The following SEZ6L variants were observed in gnomAD, a reference collection of about 807,000 sequenced individuals.
The protein encoded by SEZ6L is seizure related 6 homolog like.
In SEZ6L, 37 loss-of-function variants were observed where a neutral mutation model predicts 106.2. The observed-to-expected ratio is 0.35, with a 90% CI of 0.27 to 0.46. The LOEUF (loss-of-function observed/expected upper bound fraction) is 0.46, where lower values mean the gene tolerates loss of function less well. Among genes scored for constraint, SEZ6L ranks in the 20% least tolerant of loss-of-function variants. The pLI is 1.00. For missense variants in SEZ6L, 1,172 were observed against 1,332.8 expected, an observed-to-expected ratio of 0.88 and a Z score of 1.88; for synonymous variants, 541 against 570.4, an observed-to-expected ratio of 0.95 and a Z score of 0.73.
intron 1 of SEZ6L, among the ~76,000 whole-genome samples, chr22:26,289,235 G>A (rs1390808742): frequency 6.6e-6 from 1 of 152,062 alleles, no homozygotes; most frequent in African/African-American, 2.4e-5. Context: ...TTGGAAGCTG[G>A]GTGTCCTGAC....
intron 6 of SEZ6L, among the ~76,000 whole-genome samples, chr22:26,309,073 A>G (rs2081732235): frequency 6.6e-6 from 1 of 152,236 alleles, no homozygotes; most frequent in Non-Finnish European, 1.5e-5. Flanking sequence ...CATCTTAGTG[A>G]CATTAGAAAT....
At chr22:26,174,348 C>T (rs994291283) in intron 1 of SEZ6L, among the ~76,000 whole-genome samples, 7 of 152,052 alleles carry the variant, frequency 4.6e-5, no homozygotes, top group African/African-American at 9.7e-5. Context: ...ATCACACCCC[C>T]GCGGAATTGG....
intron 1 of SEZ6L, among the ~76,000 whole-genome samples, chr22:26,243,289 C>G (rs1030735274): frequency 6.6e-6 from 1 of 152,164 alleles, no homozygotes; most frequent in Non-Finnish European, 1.5e-5. Context: ...CAAGGATAAA[C>G]AAATATCCAT....
intron 10 of SEZ6L, among the ~76,000 whole-genome samples, chr22:26,345,540 G>A (rs973445119): frequency 2.6e-5 from 4 of 152,094 alleles, no homozygotes; most frequent in African/African-American, 9.7e-5. Flanking sequence ...CAAATCCAGG[G>A]CTTGGCTGAT....
At chr22:26,300,784 G>A (rs1366228290) in intron 5 of SEZ6L, among the ~76,000 whole-genome samples, 2 of 152,180 alleles carry the variant, frequency 1.3e-5, no homozygotes, top group African/African-American at 4.8e-5. Context: ...GTGTAAAAGT[G>A]TTCTTATTTC....
At chr22:26,243,881 G>T (rs1414949976) in intron 1 of SEZ6L, among the ~76,000 whole-genome samples, 1 of 151,824 alleles carries the variant, frequency 6.6e-6, no homozygotes, top group East Asian at 1.9e-4. Context: ...TGAGCAGGGA[G>T]ACCTGGCGTG....
chr22:26,184,756 C>T (rs1280365271), intron 1 of SEZ6L, among the ~76,000 whole-genome samples: 10 of 151,944 alleles, frequency 6.6e-5, no homozygotes, highest in African/African-American at 2.4e-4. Flanking sequence ...TCTACTCCTA[C>T]AATAAAAGAA....
At chr22:26,370,446 G>A (rs1387443783) in intron 13 of SEZ6L, among the ~76,000 whole-genome samples, 1 of 152,146 alleles carries the variant, frequency 6.6e-6, no homozygotes, top group Non-Finnish European at 1.5e-5. Flanking sequence ...CTTTGGCCTG[G>A]ACAACGTGTT....
At chr22:26,330,909 G>A (rs529908793) in intron 9 of SEZ6L, among the ~76,000 whole-genome samples, 1 of 152,290 alleles carries the variant, frequency 6.6e-6, no homozygotes, top group South Asian at 2.1e-4. Context: ...TTCAAAGTAT[G>A]TTTGCCTACC....
chr22:26,209,551 G>A (rs143612652), intron 1 of SEZ6L, among the ~76,000 whole-genome samples: 39 of 151,704 alleles, frequency 2.6e-4, no homozygotes, highest in Non-Finnish European at 4.9e-4. Flanking sequence ...AAGGAAGGAG[G>A]GAGGGAGGAG....
intron 1 of SEZ6L, among the ~76,000 whole-genome samples, chr22:26,268,340 T>A (rs2080254917): frequency 6.6e-6 from 1 of 152,204 alleles, no homozygotes; most frequent in Non-Finnish European, 1.5e-5. Context: ...ATAAGAGGCA[T>A]CTTGTTTAGC....
At chr22:26,347,305 C>T (rs1488672290) in intron 10 of SEZ6L, among the ~76,000 whole-genome samples, 1 of 151,278 alleles carries the variant, frequency 6.6e-6, no homozygotes, top group Non-Finnish European at 1.5e-5. Flanking sequence ...GAGTGTAAAC[C>T]CTCGGAGGTG....
Position 26,169,574 on chromosome 22 carries a change from C to G in SEZ6L, c.-96C>G. Reference sequence around the variant, plus strand: ...GGCCCGCGGCCTCCTCCCTCGCTCCCGCTTCCCCTTTCTCGCTCACCGCCG... The same window carrying G: ...GGCCCGCGGCCTCCTCCCTCGCTCCGGCTTCCCCTTTCTCGCTCACCGCCG... On this transcript the variant is annotated 5_prime_UTR_variant, in exon 1 of 17. Transcript: ENST00000248933. 1 of 449,272 alleles carries G rather than the reference C, an allele frequency of 2.2e-6. No individual in the cohort carries two copies. The highest frequency in any genetic ancestry group is 3.8e-6 in the Non-Finnish European group (1 of 265,572). The allele number at this position is 449,272 out of a possible 1,614,324, so 27.8% of individuals were successfully genotyped here. A position where few individuals can be genotyped will look rare whatever the true frequency, so the allele number is the denominator to read the frequency against.
At chr22:26,318,655 A>G (rs376359644) in intron 9 of SEZ6L, among the ~76,000 whole-genome samples, 9 of 152,312 alleles carry the variant, frequency 5.9e-5, no homozygotes, top group African/African-American at 2.2e-4. Context: ...CAACTATTAC[A>G]TTTAATTATA....
At chr22:26,363,922 A>G (rs577854990) in intron 12 of SEZ6L, among the ~76,000 whole-genome samples, 1 of 152,352 alleles carries the variant, frequency 6.6e-6, no homozygotes, top group East Asian at 1.9e-4. Flanking sequence ...GAAGGCAAAT[A>G]CTATCTGATT....
chr22:26,282,443 G>A (rs572617688), intron 1 of SEZ6L, among the ~76,000 whole-genome samples: 2 of 152,176 alleles, frequency 1.3e-5, no homozygotes, highest in Non-Finnish European at 2.9e-5. Context: ...AGCCTCTTTT[G>A]TTCTCAGGCC....
At chr22:26,266,648 C>T (rs932599557) in intron 1 of SEZ6L, among the ~76,000 whole-genome samples, 1 of 151,620 alleles carries the variant, frequency 6.6e-6, no homozygotes, top group Non-Finnish European at 1.5e-5. Context: ...GAATAAAAAC[C>T]AAGGCCCCAG....
At chr22:26,267,326 G>A (rs564761938) in intron 1 of SEZ6L, among the ~76,000 whole-genome samples, 8 of 152,272 alleles carry the variant, frequency 5.3e-5, no homozygotes, top group Non-Finnish European at 1.0e-4. Flanking sequence ...CTTCCAAAAC[G>A]TGGGTTTTCA....
chr22:26,377,135 A>T (rs752659459), intron 15 of SEZ6L, among the ~76,000 whole-genome samples: 1 of 151,212 alleles, frequency 6.6e-6, no homozygotes, highest in Non-Finnish European at 1.5e-5. Context: ...AAAATAAAAA[A>T]AATAAAACAC....
Sources: gnomAD v4.1 joint callset for allele counts (sites outside exome capture counted in the v4.1 genomes callset) on GRCh38, gnomAD v4.1.1 for gene constraint, MANE v1.5 for transcripts, NCBI Gene and HGNC (gene_info 2026-07-23, HGNC 2026-07-21) for gene names.